The following NRXN3 variants were observed in gnomAD, a reference collection of about 807,000 sequenced individuals.
The protein encoded by NRXN3 is neurexin III.
In NRXN3, 32 loss-of-function variants were observed where a neutral mutation model predicts 137.6. The observed-to-expected ratio is 0.23, with a 90% CI of 0.18 to 0.31. The LOEUF is 0.31. Ranked by LOEUF, NRXN3 falls within the 10% of genes least tolerant of loss-of-function variation. The pLI, the probability that NRXN3 is intolerant of heterozygous loss-of-function variation, is 1.00. For missense variants in NRXN3, 1,574 were observed against 2,062.5 expected (o/e 0.76, Z 4.59); for synonymous variants, 798 against 784.5 (o/e 1.02, Z -0.29).
chr14:79,713,227 A>G (rs552096567), intron 19 of NRXN3, among the ~76,000 whole-genome samples: 5 of 144,206 alleles, frequency 3.5e-5, no homozygotes, highest in African/African-American at 1.3e-4. Context: ...GTGGACCTCA[A>G]AGTAGCACTT....
intron 15 of NRXN3, among the ~76,000 whole-genome samples, chr14:79,057,625 A>G (rs1471766406): frequency 6.6e-6 from 1 of 152,194 alleles, no homozygotes; most frequent in Non-Finnish European, 1.5e-5. Flanking sequence ...GAACTTCAAG[A>G]GGAAAGACAC....
rs185094895 is a variant in NRXN3 at position 79,626,013 on chromosome 14, G to A, written c.3445-37765G>A. Among the ~76,000 whole-genome samples, 168 of 152,230 alleles carry A rather than the reference G, an allele frequency of 1.1e-3. 1 individual carries two copies. The East Asian group carries it at 0.025, about 22-fold the overall frequency. Reference sequence around the variant, plus strand: ...ACCAAATATAATTATATAATGACTAGCCTCTGTAGGTATAAACAGTTTAAT... The same window carrying A: ...ACCAAATATAATTATATAATGACTAACCTCTGTAGGTATAAACAGTTTAAT... On this transcript the variant is annotated intron_variant, in intron 16 of 20. Transcript: ENST00000335750.
intron 15 of NRXN3, among the ~76,000 whole-genome samples, chr14:79,015,822 G>A (rs189880455): frequency 6.6e-6 from 1 of 152,286 alleles, no homozygotes; most frequent in Admixed American, 6.5e-5. Flanking sequence ...GCAGGGAGAT[G>A]TTTCCTTATG....
At chr14:78,730,391 T>TC (rs2098509317) in intron 8 of NRXN3, among the ~76,000 whole-genome samples, 1 of 152,034 alleles carries the variant, frequency 6.6e-6, no homozygotes, top group Non-Finnish European at 1.5e-5. Context: ...CTCTTCTTTA[T>TC]CCCCCCTATT....
chr14:79,358,262 T>C (rs2093498683), intron 15 of NRXN3, among the ~76,000 whole-genome samples: 1 of 152,038 alleles, frequency 6.6e-6, no homozygotes, highest in Non-Finnish European at 1.5e-5. Context: ...AGCCAAAGAC[T>C]ATCAAAAGAA....
At chr14:79,299,459 G>A (rs2084767057) in intron 15 of NRXN3, among the ~76,000 whole-genome samples, 1 of 152,046 alleles carries the variant, frequency 6.6e-6, no homozygotes, top group Non-Finnish European at 1.5e-5. Context: ...TAATGTCAAT[G>A]CAACTACAGA....
intron 15 of NRXN3, among the ~76,000 whole-genome samples, chr14:79,054,501 A>C (rs2099651776): frequency 6.6e-6 from 1 of 152,160 alleles, no homozygotes; most frequent in Non-Finnish European, 1.5e-5. Flanking sequence ...AAAACTTTTC[A>C]CAAAAATTTG....
At chr14:79,481,094 G>T (rs1031151527) in intron 16 of NRXN3, among the ~76,000 whole-genome samples, 8 of 152,024 alleles carry the variant, frequency 5.3e-5, no homozygotes, top group African/African-American at 1.9e-4. Context: ...GGATCCAAGA[G>T]TGAAAAGGAT....
At chr14:78,498,275 A>C (rs935137193) in intron 4 of NRXN3, among the ~76,000 whole-genome samples, 10 of 152,216 alleles carry the variant, frequency 6.6e-5, no homozygotes, top group Non-Finnish European at 1.0e-4. Context: ...TGAGAATATC[A>C]GAGGGAGATG....
At chr14:79,837,886 C>A (rs1317434560) in intron 20 of NRXN3, among the ~76,000 whole-genome samples, 1 of 152,138 alleles carries the variant, frequency 6.6e-6, no homozygotes, top group East Asian at 1.9e-4. Flanking sequence ...TACCCGTTAG[C>A]CAGTTCCACA....
chr14:78,468,908 C>A (rs754861841), intron 4 of NRXN3, among the ~76,000 whole-genome samples: 24 of 151,984 alleles, frequency 1.6e-4, no homozygotes, highest in Middle Eastern at 6.8e-3. Flanking sequence ...CTTTGAGGAA[C>A]CTGGGCTTGG....
At chr14:78,934,657 G>T (rs1211494444) in intron 10 of NRXN3, among the ~76,000 whole-genome samples, 2 of 152,116 alleles carry the variant, frequency 1.3e-5, no homozygotes, top group Non-Finnish European at 2.9e-5. Flanking sequence ...CATGTCCTTT[G>T]TAGGGACATG....
intron 4 of NRXN3, among the ~76,000 whole-genome samples, chr14:78,402,630 G>A (rs2092178974): frequency 6.6e-6 from 1 of 152,162 alleles, no homozygotes; most frequent in Admixed American, 6.6e-5. Flanking sequence ...CACCTACTTA[G>A]TGTAGTAGAG....
chr14:78,577,277 G>C (rs779374613), intron 4 of NRXN3, among the ~76,000 whole-genome samples: 1 of 152,128 alleles, frequency 6.6e-6, no homozygotes, highest in Non-Finnish European at 1.5e-5. Context: ...ATTATTCCCA[G>C]AATATTGGAA....
intron 15 of NRXN3, among the ~76,000 whole-genome samples, chr14:79,167,893 A>G (rs1333450870): frequency 7.0e-6 from 1 of 143,580 alleles, no homozygotes; most frequent in Non-Finnish European, 1.5e-5. Flanking sequence ...ATATAGATCC[A>G]CCCCAAATCT....
intron 10 of NRXN3, among the ~76,000 whole-genome samples, chr14:78,955,916 A>G (rs1273372455): frequency 1.3e-5 from 2 of 152,160 alleles, no homozygotes; most frequent in Non-Finnish European, 2.9e-5. Context: ...AAAGCTTTCA[A>G]AATTACTTAG....
chr14:79,592,621 C>A (rs2097817701), intron 16 of NRXN3, among the ~76,000 whole-genome samples: 1 of 152,042 alleles, frequency 6.6e-6, no homozygotes, highest in Non-Finnish European at 1.5e-5. Flanking sequence ...ATTAGTTACC[C>A]ATTTTCATTT....
intron 4 of NRXN3, among the ~76,000 whole-genome samples, chr14:78,546,070 A>G (rs1049853294): frequency 6.6e-6 from 1 of 152,180 alleles, no homozygotes; most frequent in African/African-American, 2.4e-5. Flanking sequence ...GTGCTTTTAT[A>G]TCTGGTGCAG....
intron 16 of NRXN3, among the ~76,000 whole-genome samples, chr14:79,480,277 G>C (rs2153636634): frequency 6.6e-6 from 1 of 152,246 alleles, no homozygotes; most frequent in Admixed American, 6.5e-5. Flanking sequence ...AAGGTTAACA[G>C]GTTTTCATGT....
Sources: allele counts gnomAD v4.1 joint callset (sites outside exome capture counted in the v4.1 genomes callset), GRCh38; gene constraint gnomAD v4.1.1; transcripts MANE v1.5; gene names NCBI Gene and HGNC (gene_info 2026-07-23, HGNC 2026-07-21).